Variants in ACO2 observed in about 807,000 individuals in gnomAD.
ACO2 encodes aconitate hydratase, mitochondrial.
A neutral mutation model predicts 84.5 loss-of-function variants in ACO2; 31 were observed. The ratio of observed to expected loss-of-function variants is 0.37; its 90% CI spans 0.28 to 0.50. The LOEUF (loss-of-function observed/expected upper bound fraction) is 0.50. Among genes scored for constraint, ACO2 ranks in the 20% least tolerant of loss-of-function variants. The pLI, the probability that ACO2 is intolerant of heterozygous loss-of-function variation, is 0.97. For synonymous variants in ACO2, 414 were observed against 412.7 expected (o/e 1.00, Z -0.04); for missense variants, 685 against 1,029.3 (o/e 0.67, Z 4.58).
At chr22:41,481,995 G>T (rs926162746) in intron 1 of ACO2, among the ~76,000 whole-genome samples, 3 of 152,166 alleles carry the variant, frequency 2.0e-5, no homozygotes, top group African/African-American at 7.2e-5. Flanking sequence ...ATCCCACTTG[G>T]CACAATTGTT....
intron 1 of ACO2, among the ~76,000 whole-genome samples, chr22:41,497,641 G>T (rs1354137441): frequency 6.6e-6 from 1 of 152,150 alleles, no homozygotes; most frequent in Non-Finnish European, 1.5e-5. Flanking sequence ...CTAGCACTTT[G>T]GGAGGCCGAG....
intron 1 of ACO2, among the ~76,000 whole-genome samples, chr22:41,479,683 TG>T (rs1047223417): frequency 2.6e-5 from 4 of 151,690 alleles, no homozygotes; most frequent in African/African-American, 9.7e-5. Context: ...GCTAGAGGGG[TG>T]GGTTGCACAG....
intron 9 of ACO2, among the ~76,000 whole-genome samples, chr22:41,521,062 AAGAAAAGAAAAATTACTTTTTCTTGGC>A (rs1430257070): frequency 4.6e-5 from 7 of 151,500 alleles, no homozygotes; most frequent in African/African-American, 1.5e-4. Context: ...AAAAAAAAGA[AAGAAAAGAAAAATTACTTTTTCTTGGC>A]AGAAAAGAAA....
intron 14 of ACO2, 132 bp downstream of exon 14, chr22:41,525,480 G>A (rs1447162874): frequency 5.1e-6 from 6 of 1,180,058 alleles, no homozygotes; most frequent in African/African-American, 1.5e-5. Flanking sequence ...AGGGAGGTTT[G>A]GCTGCAGAGC....
Position 41,528,086 on chromosome 22 carries a change from C to G in ACO2, c.2208+64C>G, listed in dbSNP as rs1725840744. On this transcript the variant is annotated intron_variant, in intron 17 of 17. Transcript: ENST00000216254. Reference sequence around the variant, plus strand: ...GGCAGCCACCTTGTTTCCCCTCCTGCACTGGCCCCAGGGTAGCTTCTCCCA... The same window carrying G: ...GGCAGCCACCTTGTTTCCCCTCCTGGACTGGCCCCAGGGTAGCTTCTCCCA... 3 of 1,607,842 alleles carry G rather than the reference C, an allele frequency of 1.9e-6. No homozygotes were observed. The South Asian group carries it at 3.3e-5, about 18-fold the overall frequency.
intron 1 of ACO2, among the ~76,000 whole-genome samples, chr22:41,480,023 A>G (rs2038068687): frequency 6.6e-6 from 1 of 152,206 alleles, no homozygotes; most frequent in East Asian, 1.9e-4. Context: ...TGTTCCTGCC[A>G]GTTGCATAGC....
intron 8 of ACO2, among the ~76,000 whole-genome samples, chr22:41,518,798 T>C (rs900088965): frequency 6.6e-6 from 1 of 151,216 alleles, no homozygotes; most frequent in African/African-American, 2.4e-5. Flanking sequence ...ATACAAAAAT[T>C]AGCTCGGCAT....
At chr22:41,514,837 T>C (rs572098180) in intron 4 of ACO2, among the ~76,000 whole-genome samples, 4 of 152,214 alleles carry the variant, frequency 2.6e-5, no homozygotes, top group Non-Finnish European at 5.9e-5. Flanking sequence ...CTCCAGATGC[T>C]GAAGTGGACG....
intron 1 of ACO2, among the ~76,000 whole-genome samples, chr22:41,472,853 A>G (rs1011954662): frequency 6.6e-6 from 1 of 152,178 alleles, no homozygotes; most frequent in Non-Finnish European, 1.5e-5. Flanking sequence ...AGTTGCAAGT[A>G]TGTTTATTAG....
At chr22:41,478,175 G>C (rs1030522353) in intron 1 of ACO2, among the ~76,000 whole-genome samples, 1 of 151,954 alleles carries the variant, frequency 6.6e-6, no homozygotes, top group South Asian at 2.1e-4. Flanking sequence ...ATAGAGTCTC[G>C]CTCTGTTGCT....
intron 2 of ACO2, 151 bp downstream of exon 2, chr22:41,500,013 C>A: frequency 1.0e-6 from 1 of 968,718 alleles, no homozygotes; most frequent in Non-Finnish European, 1.6e-6. Flanking sequence ...TGAGGAAAGG[C>A]ATTCCAGATC....
intron 1 of ACO2, among the ~76,000 whole-genome samples, chr22:41,481,794 A>C (rs1043689322): frequency 6.6e-6 from 1 of 152,212 alleles, no homozygotes; most frequent in Non-Finnish European, 1.5e-5. Context: ...CTCTGCCTTC[A>C]TCTGTTTCAT....
In ACO2 at chr22:41,515,018, G is replaced by A. The variant is rs986294203; in HGVS notation, c.526-359G>A. Among the ~76,000 whole-genome samples the A allele has an allele frequency of 3.9e-5, 6 of 152,334 alleles. 1 individual carries two copies. In the South Asian group the frequency reaches 6.2e-4, roughly 16 times the overall value. ...GATGCTCCACACCCAGGATGAGGCC[G>A]GGCCTGGGCCCATCACAGGACAGTT... On this transcript the variant is annotated intron_variant, in intron 4 of 17. Transcript: ENST00000216254. The surrounding 1 kb of genome is among the most constrained non-coding windows in gnomAD (Gnocchi z 5.8).
At chr22:41,507,747 C>T (rs757819166) in intron 2 of ACO2, 44 bp from the exon 3 acceptor site, 9 of 1,584,370 alleles carry the variant, frequency 5.7e-6, no homozygotes, top group East Asian at 2.3e-5. Flanking sequence ...GGGAGGAGGC[C>T]GTGCAGCTAG....
rs2066662255 is a variant in ACO2 at position 41,528,869 on chromosome 22, A to G, written c.*256A>G. On this transcript the variant is annotated 3_prime_UTR_variant, in exon 18 of 18. Transcript: ENST00000216254. ...CATGCAACTGTATTTATTTTTGATG[A>G]CAAGACTCCCATCTAAAGTTTTTCT... 1 of 531,504 alleles carries G rather than the reference A, an allele frequency of 1.9e-6. No individual in the cohort carries two copies. Among genetic ancestry groups the G allele is most frequent in the Non-Finnish European group, 3.3e-6 (1 of 303,616 alleles). The allele number at this position is 531,504 out of a possible 1,614,324, so 32.9% of individuals were successfully genotyped here.
chr22:41,495,104 G>A (rs560744670), intron 1 of ACO2, among the ~76,000 whole-genome samples: 1 of 152,190 alleles, frequency 6.6e-6, no homozygotes, highest in Non-Finnish European at 1.5e-5. Context: ...ATAGCTCACT[G>A]CAGTCTGGAA....
At chr22:41,470,564 A>G (rs1008413979) in intron 1 of ACO2, among the ~76,000 whole-genome samples, 63 of 50,532 alleles carry the variant, frequency 1.2e-3, no homozygotes, top group African/African-American at 4.2e-3. Context: ...TTTTTTTTTG[A>G]GACAGTCTTG....
intron 13 of ACO2, 45 bp from the exon 14 acceptor site, chr22:41,525,148 G>C (rs1381273940): frequency 6.2e-7 from 1 of 1,606,544 alleles, no homozygotes; most frequent in South Asian, 1.1e-5. Context: ...GTCCTTGTGG[G>C]AACTGAGGAC....
At position 41,475,780 on chromosome 22, in the gene ACO2, C is replaced by T. The variant is rs1177635762; in HGVS notation, c.36+6598C>T. ...AGTCGTGGTGGCGCATGCCTGTGAT[C>T]CCAGCTACTCAGGAGGCTGAGGCAG... is the stretch of plus-strand genomic sequence containing the variant. On this transcript the variant is annotated intron_variant, in intron 1 of 17. Coordinates refer to ENST00000216254, the MANE Select transcript of ACO2 (RefSeq NM_001098.3). Among the ~76,000 whole-genome samples, 3 of 151,898 alleles carry T rather than the reference C, an allele frequency of 2.0e-5. 1 individual carries two copies. In the South Asian group the frequency reaches 6.2e-4, roughly 32 times the overall value.
Sources: gnomAD v4.1 joint callset for allele counts (sites outside exome capture counted in the v4.1 genomes callset) on GRCh38, gnomAD v4.1.1 for gene constraint, Gnocchi (gnomAD v3.1) non-coding constraint, MANE v1.5 for transcripts, NCBI Gene and HGNC (gene_info 2026-07-23, HGNC 2026-07-21) for gene names.